The following ZZZ3 variants were observed in gnomAD, a reference collection of about 807,000 sequenced individuals.
The protein encoded by ZZZ3 is zinc finger ZZ-type containing 3.
ZZZ3 carries 22 observed loss-of-function variants against 95.2 expected under a neutral mutation model. The observed-to-expected ratio is 0.23, with a 90% CI of 0.17 to 0.33. The LOEUF is 0.33. ZZZ3 is among the 10% of genes least tolerant of loss of function. The pLI is 1.00. For missense variants in ZZZ3, 885 were observed against 1,066.5 expected, an observed-to-expected ratio of 0.83 and a Z score of 2.37; for synonymous variants, 335 against 358.9, an observed-to-expected ratio of 0.93 and a Z score of 0.75.
intron 12 of ZZZ3, among the ~76,000 whole-genome samples, chr1:77,575,309 T>A (rs1661819713): frequency 6.6e-6 from 1 of 152,190 alleles, no homozygotes; most frequent in Admixed American, 6.5e-5. Context: ...GTCCAGCAAG[T>A]AAATGAAGAA....
chr1:77,635,249 G>A (rs1022475507), intron 4 of ZZZ3, among the ~76,000 whole-genome samples: 22 of 152,258 alleles, frequency 1.4e-4, no homozygotes, highest in African/African-American at 4.8e-4. Context: ...TGAGTTTAGT[G>A]TTGTCTCAAA....
chr1:77,647,860 G>A (rs1309504274), intron 1 of ZZZ3, among the ~76,000 whole-genome samples: 1 of 152,162 alleles, frequency 6.6e-6, no homozygotes, highest in African/African-American at 2.4e-5. Flanking sequence ...GTACCACACT[G>A]CATCAGTAGT....
intron 1 of ZZZ3, among the ~76,000 whole-genome samples, chr1:77,658,193 A>C (rs1670457331): frequency 6.6e-6 from 1 of 151,562 alleles, no homozygotes; most frequent in Admixed American, 6.6e-5. Flanking sequence ...AAAAAAAAAA[A>C]AAAAAAAAAC....
intron 5 of ZZZ3, among the ~76,000 whole-genome samples, chr1:77,616,953 T>C (rs986618938): frequency 2.0e-5 from 3 of 152,210 alleles, no homozygotes; most frequent in African/African-American, 7.2e-5. Context: ...ATAAACTATA[T>C]GTTCTACTAT....
intron 5 of ZZZ3, among the ~76,000 whole-genome samples, chr1:77,611,214 C>T (rs1232884496): frequency 1.5e-5 from 2 of 129,260 alleles, no homozygotes; most frequent in African/African-American, 5.5e-5. Flanking sequence ...GAAAACAATC[C>T]CATTTAAAAA....
intron 5 of ZZZ3, among the ~76,000 whole-genome samples, chr1:77,585,722 AT>A (rs1252138121): frequency 1.3e-5 from 2 of 152,210 alleles, no homozygotes; most frequent in East Asian, 3.8e-4. Context: ...TGTTCAATAA[AT>A]ATTTTCTAAA....
At chr1:77,587,172 T>C (rs1422579264) in intron 5 of ZZZ3, among the ~76,000 whole-genome samples, 1 of 151,980 alleles carries the variant, frequency 6.6e-6, no homozygotes, top group African/African-American at 2.4e-5. Flanking sequence ...GATGGGTGTA[T>C]GAGGGTCCAC....
chr1:77,616,631 G>T (rs1328954019), intron 5 of ZZZ3, among the ~76,000 whole-genome samples: 1 of 152,192 alleles, frequency 6.6e-6, no homozygotes, highest in Admixed American at 6.5e-5. Flanking sequence ...TTGGGAGGTC[G>T]AGGTGGGTGG....
At chr1:77,628,904 C>T (rs576776945) in intron 5 of ZZZ3, among the ~76,000 whole-genome samples, 55 of 152,296 alleles carry the variant, frequency 3.6e-4, no homozygotes, top group African/African-American at 1.3e-3. Flanking sequence ...ACGTTTCTAG[C>T]ACAGGGAGAA....
At chr1:77,669,285 T>C (rs1671527725) in intron 1 of ZZZ3, among the ~76,000 whole-genome samples, 1 of 152,100 alleles carries the variant, frequency 6.6e-6, no homozygotes, top group South Asian at 2.1e-4. Context: ...CTTCTCCCCA[T>C]TTCCTCTTCA....
At chr1:77,569,798 C>A (rs1288662227) in intron 12 of ZZZ3, among the ~76,000 whole-genome samples, 3 of 152,094 alleles carry the variant, frequency 2.0e-5, no homozygotes, top group African/African-American at 7.2e-5. Flanking sequence ...ATTTTTTTAA[C>A]CTCATTGAAA....
intron 1 of ZZZ3, among the ~76,000 whole-genome samples, chr1:77,672,863 G>A (rs2101063535): frequency 6.6e-6 from 1 of 152,272 alleles, no homozygotes; most frequent in East Asian, 1.9e-4. Flanking sequence ...TTCTTCAGGA[G>A]ATAATGTTCC....
intron 5 of ZZZ3, among the ~76,000 whole-genome samples, chr1:77,598,180 C>A (rs1664395712): frequency 6.6e-6 from 1 of 152,082 alleles, no homozygotes; most frequent in Non-Finnish European, 1.5e-5. Flanking sequence ...TACCATATAA[C>A]ATAAACAGTC....
intron 1 of ZZZ3, among the ~76,000 whole-genome samples, chr1:77,647,481 T>G (rs1304115655): frequency 6.7e-6 from 1 of 149,426 alleles, no homozygotes; most frequent in Non-Finnish European, 1.5e-5. Context: ...ATTGCACCAC[T>G]GCACTCCAGC....
intron 5 of ZZZ3, among the ~76,000 whole-genome samples, chr1:77,585,717 A>G (rs542565750): frequency 3.3e-5 from 5 of 152,362 alleles, no homozygotes; most frequent in South Asian, 4.1e-4. Context: ...ATAGATGTTC[A>G]ATAAATATTT....
At chr1:77,610,869 C>T (rs1665729300) in intron 5 of ZZZ3, among the ~76,000 whole-genome samples, 1 of 151,874 alleles carries the variant, frequency 6.6e-6, no homozygotes, top group South Asian at 2.1e-4. Flanking sequence ...TGACATCATA[C>T]TCAAGGGTGA....
rs575143586 is a variant in ZZZ3, at chr1:77,657,668, T to C, written c.-402-16013A>G. On this transcript the variant is annotated intron_variant, in intron 1 of 14. Transcript: ENST00000370801. The stretch of plus-strand genomic sequence containing the variant: ...TCACAAACGTGGAATCCAAGAATAA[T>C]GAGAACAGACTATAGTCATCCCTCA... 3.0e-4 allele frequency among the ~76,000 whole-genome samples: 45 copies of C among 152,288 alleles called. No homozygotes were observed. The East Asian group carries it at 5.4e-3, about 18-fold the overall frequency.
At chr1:77,636,787 A>C (rs1350849360) in intron 4 of ZZZ3, among the ~76,000 whole-genome samples, 1 of 152,018 alleles carries the variant, frequency 6.6e-6, no homozygotes, top group Non-Finnish European at 1.5e-5. Context: ...AAATATGAAA[A>C]CACTGATTAA....
intron 1 of ZZZ3, among the ~76,000 whole-genome samples, chr1:77,661,584 T>C (rs992479999): frequency 6.6e-6 from 1 of 152,152 alleles, no homozygotes; most frequent in South Asian, 2.1e-4. Flanking sequence ...GGCATTGCAG[T>C]TAGATACCTG....
Sources: allele counts gnomAD v4.1 joint callset (sites outside exome capture counted in the v4.1 genomes callset), GRCh38; gene constraint gnomAD v4.1.1; transcripts MANE v1.5; gene names NCBI Gene and HGNC (gene_info 2026-07-23, HGNC 2026-07-21).